Variants in NAT10 observed in about 807,000 individuals in gnomAD.
NAT10 encodes N-acetyltransferase 10, also known as RNA cytidine acetyltransferase.
Under a neutral mutation model 132.2 loss-of-function variants are expected in NAT10, and 109 were observed. That is an observed-to-expected ratio of 0.82 (90% CI 0.71 to 0.97). The LOEUF (loss-of-function observed/expected upper bound fraction) is 0.97. Among genes scored for constraint, NAT10 ranks in the 50% least tolerant of loss-of-function variants. The pLI, the probability that NAT10 is intolerant of heterozygous loss-of-function variation, is 0.00. For missense variants in NAT10, 1,184 were observed against 1,263.4 expected (o/e 0.94, Z 0.95); for synonymous variants, 479 against 478.0 (o/e 1.00, Z -0.03).
At chr11:34,131,657 T>C in intron 14 of NAT10, 126 bp downstream of exon 14, 1 of 1,041,684 alleles carries the variant, frequency 9.6e-7, no homozygotes, top group Non-Finnish European at 1.3e-6. Flanking sequence ...ACATTTTCAA[T>C]TTCCTTTTTC....
At chr11:34,134,654 G>A in intron 18 of NAT10, 68 bp downstream of exon 18, 1 of 1,502,210 alleles carries the variant, frequency 6.7e-7, no homozygotes, top group Non-Finnish European at 9.2e-7. Context: ...GTACTTGGTG[G>A]CTGGAATAAG....
At chr11:34,141,570 C>G (rs562705221) in intron 25 of NAT10, 149 bp from the exon 26 acceptor site, 2 of 712,472 alleles carry the variant, frequency 2.8e-6, no homozygotes, top group Non-Finnish European at 2.3e-6. Flanking sequence ...CAGCTCTTCC[C>G]GCTAATATCC....
intron 25 of NAT10, 23 bp downstream of exon 25, chr11:34,141,231 G>T: frequency 6.2e-7 from 1 of 1,613,520 alleles, no homozygotes; most frequent in Non-Finnish European, 8.5e-7. Flanking sequence ...TGAGGGCAGG[G>T]GCTTGATGTC....
Position 34,119,415 on chromosome 11 carries a change from T to C in NAT10, c.780+912T>C, listed in dbSNP as rs148029324. ...GGCTTCCCTTTTCATTCTGGAAATA[T>C]GATCAGCAGCTACATAGCTCTCTAT... On this transcript the variant is annotated intron_variant, in intron 8 of 28. Coordinates refer to ENST00000257829, the MANE Select transcript of NAT10 (RefSeq NM_024662.3). Among the ~76,000 whole-genome samples the C allele has an allele frequency of 6.1e-3, 936 of 152,372 alleles. 12 individuals are homozygous for C. The highest frequency in any genetic ancestry group is 0.021 in the African/African-American group (883 of 41,594).
intron 4 of NAT10, among the ~76,000 whole-genome samples, chr11:34,112,436 A>C (rs997506508): frequency 1.4e-4 from 21 of 152,256 alleles, no homozygotes; most frequent in African/African-American, 5.1e-4. Context: ...GCACTTGTCT[A>C]GAGACACCAG....
intron 25 of NAT10, 115 bp downstream of exon 25, chr11:34,141,323 A>T (rs1590193251): frequency 1.3e-5 from 5 of 376,010 alleles, no homozygotes; most frequent in South Asian, 5.9e-5. Flanking sequence ...GCATCTCGTC[A>T]CACACACACA....
At position 34,139,413 on chromosome 11, in the gene NAT10, C is replaced by T; in HGVS notation, c.2337C>T (p.Leu779=). 1 of 1,614,162 alleles carries T rather than the reference C, an allele frequency of 6.2e-7. No homozygotes were observed. Among genetic ancestry groups the T allele is most frequent in the East Asian group, 2.2e-5 (1 of 44,874 alleles). The change falls in exon 23 of 29, where the codon CTC becomes CTT. Residue 779 remains leucine, a synonymous_variant. Coordinates refer to ENST00000257829, the MANE Select transcript of NAT10 (RefSeq NM_024662.3). ...TCCGACGGCGGTTCCTAGCCTTGCT[C>T]TCCTACCAGTTCAGTACCTTCTCTC... The part of the protein sequence containing the change: ...KDFRRRFLAL[L]SYQFSTFSPS...
At chr11:34,113,487 T>C (rs1851731266) in intron 4 of NAT10, among the ~76,000 whole-genome samples, 1 of 151,930 alleles carries the variant, frequency 6.6e-6, no homozygotes, top group Non-Finnish European at 1.5e-5. Flanking sequence ...TTTTGCCTTA[T>C]CACCTGGCTT....
In NAT10 at chr11:34,134,504, CCA is replaced by C; in HGVS notation, c.1837-3_1837-2del. 6.2e-7 allele frequency: 1 copy of C among 1,614,084 alleles called. No homozygotes were observed. The highest frequency in any genetic ancestry group is 8.5e-7 in the Non-Finnish European group (1 of 1,180,002). ...TTGCTAAGTTACTGGTTTGTGTCTCCCACACAGTTCCAAGATCCAGACTTTGG... is the reference window on the plus strand; with the variant it reads ...TTGCTAAGTTACTGGTTTGTGTCTCCCACAGTTCCAAGATCCAGACTTTGG... On this transcript the variant is annotated splice_polypyrimidine_tract_variant and splice_region_variant and intron_variant, in intron 17 of 28. Transcript: ENST00000257829.
intron 19 of NAT10, among the ~76,000 whole-genome samples, chr11:34,136,343 A>C (rs1038190109): frequency 3.3e-5 from 5 of 152,010 alleles, no homozygotes; most frequent in Non-Finnish European, 7.4e-5. Context: ...CAGTCTCCCA[A>C]AGTGCTGGGA....
chr11:34,122,350 G>T (rs534419346), intron 8 of NAT10, 109 bp from the exon 9 acceptor site: 6 of 1,411,896 alleles, frequency 4.2e-6, no homozygotes, highest in Non-Finnish European at 5.9e-6. Flanking sequence ...AAGAACTGCC[G>T]CCCTCTTATT....
In NAT10 at chr11:34,143,566, G is replaced by C. The variant is rs753708133; in HGVS notation, c.2969+38G>C. The stretch of plus-strand genomic sequence containing the variant: ...GGTCTGATGTGCATCTGGCGGAAGA[G>C]GCATTCTGGCCTCTCTGCTTCTCTT... On this transcript the variant is annotated intron_variant, in intron 28 of 28. Coordinates refer to ENST00000257829, the MANE Select transcript of NAT10 (RefSeq NM_024662.3). 2.5e-6 allele frequency: 4 copies of C among 1,576,970 alleles called. No homozygotes were observed. In the South Asian group the frequency reaches 3.4e-5, roughly 13 times the overall value.
rs1015800918 is a variant in NAT10 at position 34,140,484 on chromosome 11, A to G, written c.2504A>G (p.Tyr835Cys). Residue 835 changes from tyrosine (Y) to cysteine (C), a missense_variant, in exon 24 of 29, where the codon TAT (tyrosine) becomes TGT (cysteine). Transcript: ENST00000257829. ...ATGTATTCACGGAATATGGTGGACT[A>G]TCACCTCATCATGGACATGATCCCG... The part of the protein sequence containing the change: ...LEMYSRNMVD[Y>C]HLIMDMIPAI... The G allele has an allele frequency of 2.5e-6, 4 of 1,614,158 alleles. No individual in the cohort carries two copies. The highest frequency in any genetic ancestry group is 1.7e-5 in the Admixed American group (1 of 60,018).
chr11:34,106,945 A>G (rs895931482), intron 1 of NAT10: 1 of 151,670 alleles, frequency 6.6e-6, no homozygotes, highest in Admixed American at 6.6e-5. Context: ...TCTAAGTAGC[A>G]TGTTACTTTT....
chr11:34,125,073 T>C (rs992282983), intron 11 of NAT10, among the ~76,000 whole-genome samples: 3 of 152,248 alleles, frequency 2.0e-5, no homozygotes, highest in East Asian at 1.9e-4. Context: ...CCTAGCACTT[T>C]ATGCCTGTCA....
chr11:34,130,596 C>T (rs1444294294), intron 12 of NAT10, among the ~76,000 whole-genome samples: 6 of 152,206 alleles, frequency 3.9e-5, no homozygotes, highest in Non-Finnish European at 4.4e-5. Context: ...TGAGCCAGGA[C>T]GTGAGCCCAG....
In NAT10 at chr11:34,118,537, G is replaced by A. The variant is rs774105378; in HGVS notation, c.780+34G>A. The A allele has an allele frequency of 3.8e-6, 6 of 1,569,484 alleles. No individual in the cohort carries two copies. The African/African-American group carries it at 4.1e-5, about 11-fold the overall frequency. On this transcript the variant is annotated intron_variant, in intron 8 of 28. Coordinates refer to ENST00000257829, the MANE Select transcript of NAT10 (RefSeq NM_024662.3). ...GGTGCTCAGCACTTCCAACACAAAG[G>A]TAGTAAAACATAGCATACGGAGCGT...
intron 16 of NAT10, among the ~76,000 whole-genome samples, chr11:34,133,953 C>T (rs1039893730): frequency 2.7e-5 from 4 of 150,524 alleles, no homozygotes; most frequent in Non-Finnish European, 5.9e-5. Context: ...AAGATCAAGA[C>T]CATCCTGGCT....
At position 34,126,691 on chromosome 11, in the gene NAT10, C is replaced by T. The variant is rs116057094; in HGVS notation, c.1108-772C>T. Among the ~76,000 whole-genome samples the T allele has an allele frequency of 6.5e-3, 992 of 152,296 alleles. 15 individuals carry two copies. The highest frequency in any genetic ancestry group is 0.022 in the African/African-American group (928 of 41,564). On this transcript the variant is annotated intron_variant, in intron 11 of 28. Coordinates refer to ENST00000257829, the MANE Select transcript of NAT10 (RefSeq NM_024662.3). ...AGTTTTGTGAAATGGTATCTCCCTG[C>T]TGTCTTTAGCATTTCACTGATTATT...
Sources: gnomAD v4.1 joint callset for allele counts (sites outside exome capture counted in the v4.1 genomes callset) on GRCh38, gnomAD v4.1.1 for gene constraint, MANE v1.5 for transcripts, NCBI Gene and HGNC (gene_info 2026-07-23, HGNC 2026-07-21) for gene names.